Variants in HP1BP3 observed in about 807,000 individuals in gnomAD.
HP1BP3 encodes the protein heterochromatin protein 1 binding protein 3, also known as heterochromatin protein 1-binding protein 3.
In HP1BP3, 12 loss-of-function variants were observed where a neutral mutation model predicts 62.5. The ratio of observed to expected loss-of-function variants is 0.19; its 90% CI spans 0.12 to 0.31. HP1BP3 has a LOEUF of 0.31. Ranked by LOEUF, HP1BP3 falls within the 10% of genes least tolerant of loss-of-function variation. The pLI is 1.00. For synonymous variants in HP1BP3, 260 were observed against 237.8 expected, an observed-to-expected ratio of 1.09 and a Z score of -0.86; for missense variants, 502 against 651.8, an observed-to-expected ratio of 0.77 and a Z score of 2.50.
intron 9 of HP1BP3, among the ~76,000 whole-genome samples, chr1:20,752,720 GT>G (rs1283016059): frequency 1.3e-5 from 2 of 151,896 alleles, no homozygotes; most frequent in Admixed American, 6.6e-5. Flanking sequence ...TGTACTTATG[GT>G]TTAAAAAAAA....
In HP1BP3 at chr1:20,743,792, GCA is replaced by G. The variant is rs756234129; in HGVS notation, c.*1003_*1004del. 2.0e-5 allele frequency: 3 copies of G among 152,092 alleles called. No homozygotes were observed. The highest frequency in any genetic ancestry group is 7.2e-5 in the African/African-American group (3 of 41,382). The allele number at this position is 152,092 out of a possible 1,614,324, so 9.4% of individuals were successfully genotyped here. A position where few individuals can be genotyped will look rare whatever the true frequency, so the allele number is the denominator to read the frequency against. On this transcript the variant is annotated 3_prime_UTR_variant, in exon 13 of 13. Coordinates refer to ENST00000438032, the MANE Select transcript of HP1BP3 (RefSeq NM_001372052.1). Reference sequence around the variant, plus strand: ...TCAAAAACCAAGTGGGATAGGCCAGGCACAGTGGCTCACTCCTGTAATCCCAG... The same window carrying G: ...TCAAAAACCAAGTGGGATAGGCCAGGCAGTGGCTCACTCCTGTAATCCCAG...
chr1:20,766,216 G>A lies in HP1BP3; in HGVS notation c.736-685C>T, dbSNP rs529876271. ...TGAGGCAGGAGAATCACTTGAACCC[G>A]GAAGGCGGAGGTTGCAGAGATCCGA... On this transcript the variant is annotated intron_variant, in intron 7 of 12. Transcript: ENST00000438032. Among the ~76,000 whole-genome samples, 335 of 152,168 alleles carry A rather than the reference G, an allele frequency of 2.2e-3. 1 individual carries two copies. The highest frequency in any genetic ancestry group is 4.0e-3 in the Non-Finnish European group (269 of 68,000).
intron 11 of HP1BP3, 87 bp from the exon 12 acceptor site, chr1:20,745,743 T>A: frequency 1.6e-6 from 2 of 1,285,850 alleles, no homozygotes; most frequent in Non-Finnish European, 2.2e-6. Flanking sequence ...CCTGGACATA[T>A]CCCACTTCTT....
At chr1:20,779,724 A>C (rs1172283439) in intron 3 of HP1BP3, 88 bp downstream of exon 3, 1 of 846,108 alleles carries the variant, frequency 1.2e-6, no homozygotes, top group Non-Finnish European at 1.8e-6. Context: ...AAAAAAAAAA[A>C]AACAATTAAG....
At chr1:20,765,675 A>C (rs1401047029) in intron 7 of HP1BP3, 144 bp from the exon 8 acceptor site, 1 of 662,320 alleles carries the variant, frequency 1.5e-6, no homozygotes, top group Non-Finnish European at 2.6e-6. Flanking sequence ...GACAGCATTA[A>C]AAATACATAT....
chr1:20,767,699 A>G (rs1416408388), intron 6 of HP1BP3, 35 bp from the exon 7 acceptor site: 15 of 1,375,930 alleles, frequency 1.1e-5, no homozygotes, highest in East Asian at 2.3e-5. Context: ...TCTAGTATTC[A>G]TAACTTTACA....
At chr1:20,784,015 C>CTGG (rs74392847) in intron 1 of HP1BP3, among the ~76,000 whole-genome samples, 62,457 of 151,706 alleles carry the variant, frequency 0.41, 13,098 homozygotes, top group African/African-American at 0.43. Context: ...CGGTCTCACT[C>CTGG]TGATGCTCAG....
chr1:20,744,541 AC>A lies in HP1BP3; in HGVS notation c.*255del, dbSNP rs2055191238. ...GGGTTGGGGGAGGCAGAGAAAAAGGACAAGTATACATTACATAGTTTAGGAA... is the reference window on the plus strand; with the variant it reads ...GGGTTGGGGGAGGCAGAGAAAAAGGAAAGTATACATTACATAGTTTAGGAA... On this transcript the variant is annotated 3_prime_UTR_variant, in exon 13 of 13. Transcript: ENST00000438032. 2 of 335,424 alleles carry A rather than the reference AC, an allele frequency of 6.0e-6. No individual in the cohort carries two copies. Among genetic ancestry groups the A allele is most frequent in the Non-Finnish European group, 1.1e-5 (2 of 186,908 alleles). The allele number at this position is 335,424 out of a possible 1,614,324, so 20.8% of individuals were successfully genotyped here.
At chr1:20,746,694 T>A (rs980685876) in intron 11 of HP1BP3, among the ~76,000 whole-genome samples, 3 of 152,052 alleles carry the variant, frequency 2.0e-5, no homozygotes, top group Non-Finnish European at 4.4e-5. Flanking sequence ...GGAGGTAGAG[T>A]TAAGATTCTT....
At chr1:20,777,840 T>A (rs992952727) in intron 3 of HP1BP3, among the ~76,000 whole-genome samples, 1 of 152,236 alleles carries the variant, frequency 6.6e-6, no homozygotes, top group African/African-American at 2.4e-5. Context: ...AAGCGAGTGA[T>A]TTCCATCCTC....
chr1:20,776,787 G>A, intron 3 of HP1BP3, 37 bp from the exon 4 acceptor site: 4 of 1,576,086 alleles, frequency 2.5e-6, no homozygotes, highest in Non-Finnish European at 3.5e-6. Context: ...ATAAGCAGAT[G>A]TATTCCAATC....
chr1:20,751,427 T>C (rs950103483), intron 9 of HP1BP3, among the ~76,000 whole-genome samples: 2 of 152,030 alleles, frequency 1.3e-5, no homozygotes, highest in African/African-American at 4.8e-5. Flanking sequence ...AAAATTTTGA[T>C]AAATATTTAG....
At chr1:20,771,206 G>C (rs1314098197) in intron 5 of HP1BP3, 133 bp from the exon 6 acceptor site, 9 of 672,920 alleles carry the variant, frequency 1.3e-5, no homozygotes, top group East Asian at 1.1e-4. Context: ...AACTTCAGAA[G>C]ACTTCAGTTC....
chr1:20,758,645 CTT>C (rs1001723047), intron 8 of HP1BP3, among the ~76,000 whole-genome samples: 3 of 133,040 alleles, frequency 2.3e-5, no homozygotes, highest in Non-Finnish European at 1.6e-5. Context: ...CACACCTGGC[CTT>C]TTTTTTTTTT....
At chr1:20,772,748 TGA>T (rs1446492330) in intron 5 of HP1BP3, among the ~76,000 whole-genome samples, 2 of 152,174 alleles carry the variant, frequency 1.3e-5, no homozygotes, top group African/African-American at 4.8e-5. Context: ...TCTTATCATC[TGA>T]TCATATGAAC....
chr1:20,747,425 T>C, intron 11 of HP1BP3, 119 bp downstream of exon 11: 1 of 673,914 alleles, frequency 1.5e-6, no homozygotes, highest in Non-Finnish European at 2.5e-6. Context: ...CCCCTATATG[T>C]AACAAAGGAC....
chr1:20,777,146 A>C (rs1259600751), intron 3 of HP1BP3, among the ~76,000 whole-genome samples: 1 of 152,156 alleles, frequency 6.6e-6, no homozygotes, highest in Non-Finnish European at 1.5e-5. Flanking sequence ...TGACTGAAGC[A>C]AGAGTAGAAA....
At chr1:20,783,678 G>A (rs1459575974) in intron 1 of HP1BP3, among the ~76,000 whole-genome samples, 1 of 140,664 alleles carries the variant, frequency 7.1e-6, no homozygotes, top group East Asian at 2.3e-4. Context: ...GCTCAGGCAG[G>A]AGAATCACTT....
chr1:20,767,090 G>A (rs1406698564), intron 7 of HP1BP3, among the ~76,000 whole-genome samples: 6 of 151,996 alleles, frequency 3.9e-5, no homozygotes, highest in African/African-American at 7.2e-5. Context: ...AGGCAGAGGC[G>A]GGCAGATCAC....
Sources: allele counts gnomAD v4.1 joint callset (sites outside exome capture counted in the v4.1 genomes callset), GRCh38; gene constraint gnomAD v4.1.1; transcripts MANE v1.5; gene names NCBI Gene and HGNC (gene_info 2026-07-23, HGNC 2026-07-21).